The following RAB7A variants were observed in gnomAD, a reference collection of about 807,000 sequenced individuals.
The protein encoded by RAB7A is ras-related protein Rab-7a.
Under a neutral mutation model 24.5 loss-of-function variants are expected in RAB7A, and 2 were observed. That is an observed-to-expected ratio of 0.08 (90% confidence interval 0.03 to 0.26). The LOEUF is 0.26. Among genes scored for constraint, RAB7A ranks in the 10% least tolerant of loss-of-function variants. The probability of loss-of-function intolerance (pLI) is 1.00; values close to 1 mark genes in which losing one functional copy is unlikely to be tolerated. For missense variants in RAB7A, 118 were observed against 255.7 expected (o/e 0.46, Z 3.67); for synonymous variants, 100 against 95.9 (o/e 1.04, Z -0.25).
chr3:128,764,914 T>A, intron 1 of RAB7A: 3 of 1,573,308 alleles, frequency 1.9e-6, no homozygotes, highest in Non-Finnish European at 2.6e-6. Context: ...CACGGACAGG[T>A]AAACGTAGGA....
chr3:128,806,896 A>G (rs1366762254), intron 4 of RAB7A, among the ~76,000 whole-genome samples: 2 of 152,264 alleles, frequency 1.3e-5, no homozygotes, highest in African/African-American at 2.4e-5. Flanking sequence ...GTGCCCTCCC[A>G]GTACCTCCAG....
At chr3:128,811,485 A>C (rs1453154414) in intron 5 of RAB7A, among the ~76,000 whole-genome samples, 2 of 152,240 alleles carry the variant, frequency 1.3e-5, no homozygotes, top group South Asian at 4.1e-4. Context: ...GTAGTGACAC[A>C]TGCTGCCACA....
At chr3:128,728,668 G>A (rs945191575) in intron 1 of RAB7A, among the ~76,000 whole-genome samples, 2 of 152,048 alleles carry the variant, frequency 1.3e-5, no homozygotes, top group African/African-American at 4.8e-5. Flanking sequence ...CTCCATGTTG[G>A]TCAGGCTGGT....
intron 1 of RAB7A, among the ~76,000 whole-genome samples, chr3:128,743,275 C>T (rs543235768): frequency 1.4e-4 from 22 of 152,354 alleles, no homozygotes; most frequent in Non-Finnish European, 2.2e-4. Context: ...GAGTGCCGCG[C>T]GCAGCCCCAG....
At chr3:128,773,944 G>T (rs1326366450) in intron 1 of RAB7A, among the ~76,000 whole-genome samples, 1 of 151,510 alleles carries the variant, frequency 6.6e-6, no homozygotes, top group Non-Finnish European at 1.5e-5. Flanking sequence ...CAAACACTGC[G>T]GAAGGCCTCA....
At chr3:128,774,430 G>C (rs1433369328) in intron 1 of RAB7A, among the ~76,000 whole-genome samples, 1 of 151,496 alleles carries the variant, frequency 6.6e-6, no homozygotes, top group Non-Finnish European at 1.5e-5. Flanking sequence ...CAGTCAGTTG[G>C]ATCATCTTTT....
At chr3:128,748,036 G>A (rs1002930759) in intron 1 of RAB7A, among the ~76,000 whole-genome samples, 13 of 152,312 alleles carry the variant, frequency 8.5e-5, no homozygotes, top group Non-Finnish European at 1.6e-4. Context: ...CCAAAGTGCT[G>A]GGATTACAGG....
chr3:128,736,964 C>G (rs1225046366), intron 1 of RAB7A, among the ~76,000 whole-genome samples: 5 of 152,240 alleles, frequency 3.3e-5, no homozygotes, highest in South Asian at 4.1e-4. Context: ...AATTTAAATG[C>G]TAAAAAGAGC....
chr3:128,747,519 G>A (rs2070630127), intron 1 of RAB7A, among the ~76,000 whole-genome samples: 2 of 151,402 alleles, frequency 1.3e-5, no homozygotes, highest in African/African-American at 4.9e-5. Flanking sequence ...CCAGGAGGCG[G>A]AGGTTGCAGT....
chr3:128,807,953 G>A (rs556986595), intron 5 of RAB7A, among the ~76,000 whole-genome samples: 21 of 152,214 alleles, frequency 1.4e-4, no homozygotes, highest in Non-Finnish European at 2.4e-4. Context: ...TAGGAGATCA[G>A]GTCACTGGGA....
At chr3:128,746,595 C>G (rs867537681) in intron 1 of RAB7A, among the ~76,000 whole-genome samples, 1 of 152,052 alleles carries the variant, frequency 6.6e-6, no homozygotes, top group Non-Finnish European at 1.5e-5. Flanking sequence ...GTGGCGCAAT[C>G]TTGGCTCACT....
chr3:128,814,419 T>C lies in RAB7A; in HGVS notation c.*997T>C, dbSNP rs3755593. On this transcript the variant is annotated 3_prime_UTR_variant, in exon 6 of 6. Transcript: ENST00000265062. ...AAATTCTCATTTTCTTTCTTTTTTTTCCCCCCTGCTCCACACTTCAAAACT... is the reference window on the plus strand; with the variant it reads ...AAATTCTCATTTTCTTTCTTTTTTTCCCCCCCTGCTCCACACTTCAAAACT... The C allele has an allele frequency of 0.039, 5,904 of 152,552 alleles. 214 individuals carry two copies. The highest frequency in any genetic ancestry group is 0.13 in the South Asian group (625 of 4,818). 9.4% of individuals were successfully genotyped at this position (152,552 alleles called of 1,614,324 possible). A position where few individuals can be genotyped will look rare whatever the true frequency, so the allele number is the denominator to read the frequency against.
At position 128,814,206 on chromosome 3, in the gene RAB7A, G is replaced by A. The variant is rs1414943028; in HGVS notation, c.*784G>A. 2.0e-5 allele frequency: 3 copies of A among 153,458 alleles called. No homozygotes were observed. The highest frequency in any genetic ancestry group is 4.4e-5 in the Non-Finnish European group (3 of 68,550). 9.5% of individuals were successfully genotyped at this position (153,458 alleles called of 1,614,324 possible). A position where few individuals can be genotyped will look rare whatever the true frequency, so the allele number is the denominator to read the frequency against. On this transcript the variant is annotated 3_prime_UTR_variant, in exon 6 of 6. Transcript: ENST00000265062. ...TCAGAATTGGGAAATCCAGCTAGCG[G>A]CAGTATTCTGTACAGTAGACACAAG... is the stretch of plus-strand genomic sequence containing the variant.
intron 1 of RAB7A, among the ~76,000 whole-genome samples, chr3:128,730,233 C>CTT (rs35639393): frequency 7.0e-6 from 1 of 143,116 alleles, no homozygotes; most frequent in Admixed American, 7.0e-5. Context: ...TGTTTTAAAA[C>CTT]TTTTTTTTTT....
intron 1 of RAB7A, chr3:128,765,127 G>C (rs1427736276): frequency 5.5e-6 from 4 of 720,782 alleles, no homozygotes; most frequent in African/African-American, 1.7e-5. Flanking sequence ...GGCTGGCTAC[G>C]GGCGGCCGGC....
chr3:128,769,241 T>C (rs542139470), intron 1 of RAB7A, among the ~76,000 whole-genome samples: 4 of 152,178 alleles, frequency 2.6e-5, no homozygotes, highest in Admixed American at 2.6e-4. Flanking sequence ...TTTAAAATGG[T>C]TTTTCCCTTT....
At position 128,795,387 on chromosome 3, in the gene RAB7A, T is replaced by C; in HGVS notation, c.20T>C (p.Val7Ala). 1 of 1,613,452 alleles carries C rather than the reference T, an allele frequency of 6.2e-7. No homozygotes were observed. The highest frequency in any genetic ancestry group is 8.5e-7 in the Non-Finnish European group (1 of 1,179,422). Residue 7 changes from valine (V) to alanine (A), a missense_variant, in exon 2 of 6, where the codon GTG becomes GCG. Val to Ala is a moderately conservative substitution (Grantham distance 64, BLOSUM62 0). Coordinates refer to ENST00000265062, the MANE Select transcript of RAB7A (RefSeq NM_004637.6). MTSRKK[V>A]LLKVIILGDS... ...TGAAGGATGACCTCTAGGAAGAAAG[T>C]GTTGCTGAAGGTTATCATCCTGGGA...
At chr3:128,791,983 C>A (rs1248861457) in intron 1 of RAB7A, among the ~76,000 whole-genome samples, 3 of 152,156 alleles carry the variant, frequency 2.0e-5, no homozygotes, top group Non-Finnish European at 4.4e-5. Flanking sequence ...ATCTACCCAC[C>A]CATCAACCCT....
intron 1 of RAB7A, among the ~76,000 whole-genome samples, chr3:128,761,609 A>G (rs2070776517): frequency 6.6e-6 from 1 of 152,198 alleles, no homozygotes; most frequent in Non-Finnish European, 1.5e-5. Flanking sequence ...CCAGATTGGC[A>G]TGACCTCTGA....
Sources: gnomAD v4.1 joint callset for allele counts (sites outside exome capture counted in the v4.1 genomes callset) on GRCh38, gnomAD v4.1.1 for gene constraint, MANE v1.5 for transcripts, NCBI Gene and HGNC (gene_info 2026-07-23, HGNC 2026-07-21) for gene names.